CDH13: variants seen among roughly 807,000 people sequenced by gnomAD.
CDH13 encodes the protein cadherin 13.
CDH13 carries 24 observed loss-of-function variants against 63.8 expected under a neutral mutation model. The ratio of observed to expected loss-of-function variants is 0.38; its 90% CI spans 0.27 to 0.53. The LOEUF (loss-of-function observed/expected upper bound fraction) is 0.53, where lower values mean the gene tolerates loss of function less well. CDH13 is among the 20% of genes least tolerant of loss of function. The probability of loss-of-function intolerance (pLI) is 0.85; values close to 1 mark genes in which losing one functional copy is unlikely to be tolerated. For missense variants in CDH13, 1,049 were observed against 903.1 expected, an observed-to-expected ratio of 1.16 and a Z score of -2.07; for synonymous variants, 503 against 355.3, an observed-to-expected ratio of 1.42 and a Z score of -4.67.
chr16:83,199,877 C>T (rs2038974936), intron 4 of CDH13, among the ~76,000 whole-genome samples: 3 of 152,158 alleles, frequency 2.0e-5, no homozygotes, highest in African/African-American at 7.2e-5. Flanking sequence ...ACCAAGGGCA[C>T]ATTAGAGCCA....
At chr16:83,406,632 A>G (rs768224942) in intron 6 of CDH13, among the ~76,000 whole-genome samples, 1 of 151,898 alleles carries the variant, frequency 6.6e-6, no homozygotes, top group Non-Finnish European at 1.5e-5. Context: ...CGGCCAGCTA[A>G]TTTTTGTATT....
At chr16:82,854,658 C>T (rs568310225) in intron 1 of CDH13, among the ~76,000 whole-genome samples, 110 of 152,200 alleles carry the variant, frequency 7.2e-4, no homozygotes, top group African/African-American at 2.5e-3. Flanking sequence ...GCAGATAATT[C>T]GTAATCATCT....
chr16:83,340,043 C>T (rs776455376), intron 5 of CDH13, among the ~76,000 whole-genome samples: 2 of 152,162 alleles, frequency 1.3e-5, no homozygotes, highest in African/African-American at 2.4e-5. Flanking sequence ...TCTCTGTGAC[C>T]TTTCCCATCT....
chr16:82,848,178 C>G (rs1372692479), intron 1 of CDH13, among the ~76,000 whole-genome samples: 4 of 152,152 alleles, frequency 2.6e-5, no homozygotes, highest in Non-Finnish European at 4.4e-5. Context: ...CAAGCTTCAG[C>G]TGGTGAGTGG....
At chr16:83,254,953 TTCTTTCTTTCTTTCTTTC>T (rs1906044682) in intron 5 of CDH13, among the ~76,000 whole-genome samples, 1 of 1,932 alleles carries the variant, frequency 5.2e-4, no homozygotes, top group South Asian at 0.028. Context: ...CTTTTTCTCT[TTCTTTCTTTCTTTCTTTC>T]TTTCTTTCTT....
At chr16:83,660,780 C>G (rs985886901) in intron 8 of CDH13, among the ~76,000 whole-genome samples, 1 of 152,218 alleles carries the variant, frequency 6.6e-6, no homozygotes, top group East Asian at 1.9e-4. Flanking sequence ...CAGAAAATCT[C>G]TCTGCTTCTC....
In CDH13 at chr16:83,000,223, A is replaced by ATTTTTTT. The variant is rs746904500; in HGVS notation, c.158-31752_158-31746dup. Among the ~76,000 whole-genome samples the ATTTTTTT allele has an allele frequency of 2.4e-3, 89 of 37,002 alleles. 10 individuals are homozygous for ATTTTTTT. The highest frequency in any genetic ancestry group is 3.6e-3 in the Non-Finnish European group (61 of 16,786). 24.3% of individuals were successfully genotyped at this position (37,002 alleles called of 152,430 possible). On this transcript the variant is annotated intron_variant, in intron 2 of 13. Transcript: ENST00000567109. ...CTAGGAATATCCACAGGTTTAGCTT[A>ATTTTTTT]TTTTTTTTTTTTTTTTTTTTTTTTT...
At chr16:83,234,934 C>T (rs909541015) in intron 5 of CDH13, among the ~76,000 whole-genome samples, 7 of 152,196 alleles carry the variant, frequency 4.6e-5, no homozygotes, top group South Asian at 2.1e-4. Context: ...CCGTGGCTCA[C>T]GCCTGTAATC....
chr16:82,664,086 T>C (rs767216180), intron 1 of CDH13, among the ~76,000 whole-genome samples: 3 of 152,206 alleles, frequency 2.0e-5, no homozygotes, highest in Non-Finnish European at 4.4e-5. Flanking sequence ...CCCTACCTCA[T>C]AGGGTGGTTT....
chr16:83,183,531 C>A (rs76865384), intron 4 of CDH13, among the ~76,000 whole-genome samples: 1 of 152,194 alleles, frequency 6.6e-6, no homozygotes, highest in Non-Finnish European at 1.5e-5. Flanking sequence ...ATAGCCTCAA[C>A]TGGTGGAATT....
intron 1 of CDH13, among the ~76,000 whole-genome samples, chr16:82,837,695 C>A (rs1037388841): frequency 9.9e-5 from 15 of 152,184 alleles, no homozygotes; most frequent in African/African-American, 3.4e-4. Flanking sequence ...GGGAAGCTCA[C>A]TGGAGGCTCA....
chr16:83,294,963 C>G (rs1308054719), intron 5 of CDH13, among the ~76,000 whole-genome samples: 7 of 152,128 alleles, frequency 4.6e-5, no homozygotes, highest in African/African-American at 2.4e-5. Context: ...AGGTATCACA[C>G]TACCTGACTT....
At chr16:82,867,428 A>G (rs538400752) in intron 2 of CDH13, among the ~76,000 whole-genome samples, 9 of 152,308 alleles carry the variant, frequency 5.9e-5, no homozygotes, top group African/African-American at 2.2e-4. Flanking sequence ...TCTGTATTAT[A>G]GAAGAATTAG....
At chr16:83,568,610 G>A (rs567370007) in intron 7 of CDH13, among the ~76,000 whole-genome samples, 6 of 152,266 alleles carry the variant, frequency 3.9e-5, no homozygotes, top group African/African-American at 1.2e-4. Context: ...CAGGGGGTTG[G>A]GCTCAACTAA....
At position 83,677,764 on chromosome 16, in the gene CDH13, A is replaced by C. The variant is rs11149599; in HGVS notation, c.1285-444A>C. Among the ~76,000 whole-genome samples the C allele has an allele frequency of 5.9e-5, 9 of 151,992 alleles. No individual in the cohort carries two copies. The East Asian group carries it at 7.8e-4, about 13-fold the overall frequency. ...ACTGAGGATTGGGCGTTGGAGTCTCATTTACCAGAGCCCCCGTGGGTGTCG... is the reference window on the plus strand; with the variant it reads ...ACTGAGGATTGGGCGTTGGAGTCTCCTTTACCAGAGCCCCCGTGGGTGTCG... On this transcript the variant is annotated intron_variant, in intron 9 of 13. Transcript: ENST00000567109.
intron 8 of CDH13, among the ~76,000 whole-genome samples, chr16:83,663,711 T>C (rs1913662860): frequency 6.6e-6 from 1 of 152,152 alleles, no homozygotes; most frequent in East Asian, 1.9e-4. Context: ...CTGTGCCAAG[T>C]TCTTTCTGTT....
chr16:83,035,182 G>A (rs145247708), intron 3 of CDH13, among the ~76,000 whole-genome samples: 239 of 152,322 alleles, frequency 1.6e-3, no homozygotes, highest in African/African-American at 5.4e-3. Flanking sequence ...GGATATGCAC[G>A]TGGTATGTTT....
chr16:83,721,082 C>G (rs1909632641), intron 10 of CDH13: 2 of 152,282 alleles, frequency 1.3e-5, no homozygotes, highest in African/African-American at 4.8e-5. Flanking sequence ...TTGATGTAGA[C>G]TGAGAAGTGG....
At chr16:83,342,198 G>A (rs2090740777) in intron 5 of CDH13, among the ~76,000 whole-genome samples, 1 of 152,128 alleles carries the variant, frequency 6.6e-6, no homozygotes, top group African/African-American at 2.4e-5. Context: ...AGCCATATGT[G>A]GCTAGCAGCT....
Sources: allele counts gnomAD v4.1 joint callset (sites outside exome capture counted in the v4.1 genomes callset), GRCh38; gene constraint gnomAD v4.1.1; transcripts MANE v1.5; gene names NCBI Gene and HGNC (gene_info 2026-07-23, HGNC 2026-07-21).